The following CBFB variants were observed in gnomAD, a reference collection of about 807,000 sequenced individuals.
CBFB encodes the protein CBF-beta.
A neutral mutation model predicts 30.4 loss-of-function variants in CBFB; 9 were observed. That is an observed-to-expected ratio of 0.30 (90% CI 0.18 to 0.52). The LOEUF (loss-of-function observed/expected upper bound fraction) is 0.52, where lower values mean the gene tolerates loss of function less well. CBFB is among the 20% of genes least tolerant of loss of function. CBFB has a pLI of 0.97. For synonymous variants in CBFB, 94 were observed against 84.0 expected (o/e 1.12, Z -0.65); for missense variants, 170 against 244.0 (o/e 0.70, Z 2.02).
At chr16:67,054,415 C>CT (rs1960653103) in intron 3 of CBFB, among the ~76,000 whole-genome samples, 2 of 152,074 alleles carry the variant, frequency 1.3e-5, no homozygotes, top group African/African-American at 4.8e-5. Context: ...TTTGTAAAAT[C>CT]TTTGTCTCCA....
At chr16:67,087,470 G>A (rs1961764030) in intron 5 of CBFB, among the ~76,000 whole-genome samples, 2 of 151,994 alleles carry the variant, frequency 1.3e-5, no homozygotes, top group South Asian at 2.1e-4. Context: ...TGGGAGGATC[G>A]CTTGAGCCCA....
chr16:67,045,877 C>T (rs1348393694), intron 3 of CBFB, among the ~76,000 whole-genome samples: 1 of 150,606 alleles, frequency 6.6e-6, no homozygotes, highest in Non-Finnish European at 1.5e-5. Flanking sequence ...CTCACTGCAA[C>T]CTCCGCCTCC....
intron 4 of CBFB, among the ~76,000 whole-genome samples, chr16:67,081,838 T>TC (rs796992348): frequency 2.3e-4 from 35 of 151,714 alleles, no homozygotes; most frequent in African/African-American, 7.0e-4. Context: ...TTTTTCTTTT[T>TC]TTTTCTTTTC....
At chr16:67,054,315 C>G (rs1252430131) in intron 3 of CBFB, among the ~76,000 whole-genome samples, 1 of 152,040 alleles carries the variant, frequency 6.6e-6, no homozygotes, top group Non-Finnish European at 1.5e-5. Context: ...GGCCTTGTTT[C>G]ATTGTCTTGG....
At chr16:67,094,794 A>G (rs538557781) in intron 5 of CBFB, among the ~76,000 whole-genome samples, 70 of 152,326 alleles carry the variant, frequency 4.6e-4, no homozygotes, top group Non-Finnish European at 8.5e-4. Flanking sequence ...ATGCATATGT[A>G]TTCCATAGCT....
At position 67,074,642 on chromosome 16, in the gene CBFB, A is replaced by G. The variant is rs374379510; in HGVS notation, c.400-7571A>G. Among the ~76,000 whole-genome samples the G allele has an allele frequency of 3.9e-5, 6 of 152,028 alleles. No individual in the cohort carries two copies. The East Asian group carries it at 5.8e-4, about 15-fold the overall frequency. ...ATGATCCACCCGCTTCGGCCTCCCA[A>G]AGTGCTGGGATTACAGGCATGAGCC... On this transcript the variant is annotated intron_variant, in intron 4 of 5. Coordinates refer to ENST00000412916, the MANE Select transcript of CBFB (RefSeq NM_022845.3).
chr16:67,033,012 T>C (rs1009436843), intron 2 of CBFB, among the ~76,000 whole-genome samples: 1 of 152,132 alleles, frequency 6.6e-6, no homozygotes, highest in African/African-American at 2.4e-5. Flanking sequence ...GTAGCTGGAA[T>C]TACAGGCGTA....
chr16:67,031,179 G>T (rs8048014), intron 2 of CBFB, among the ~76,000 whole-genome samples: 6,677 of 152,266 alleles, frequency 0.044, 486 homozygotes, highest in African/African-American at 0.15. Context: ...TTTTAGAGTT[G>T]TAATAGTGAG....
intron 2 of CBFB, among the ~76,000 whole-genome samples, chr16:67,031,793 G>A (rs1381964371): frequency 6.6e-6 from 1 of 151,818 alleles, no homozygotes; most frequent in Non-Finnish European, 1.5e-5. Flanking sequence ...GATTACAGGT[G>A]TGAGCCACCG....
chr16:67,054,441 C>T (rs1234419799), intron 3 of CBFB, among the ~76,000 whole-genome samples: 1 of 152,160 alleles, frequency 6.6e-6, no homozygotes, highest in Admixed American at 6.5e-5. Flanking sequence ...TGGTATTTAT[C>T]TATGATGTAA....
Position 67,029,491 on chromosome 16 carries a change from G to C in CBFB, c.78+6G>C. On this transcript the variant is annotated splice_donor_region_variant and intron_variant, in intron 1 of 5. Transcript: ENST00000412916. Reference sequence around the variant, plus strand: ...AGCTGAGCCGCGAGTGTGAGGTGAGGCAGGCGGGCGGGCGGCTAGGAGGCC... The same window carrying C: ...AGCTGAGCCGCGAGTGTGAGGTGAGCCAGGCGGGCGGGCGGCTAGGAGGCC... 6.3e-7 allele frequency: 1 copy of C among 1,584,196 alleles called. No homozygotes were observed. The highest frequency in any genetic ancestry group is 2.4e-5 in the East Asian group (1 of 41,866).
At chr16:67,075,197 A>ATATGTGTGTGTGTGTG (rs369475383) in intron 4 of CBFB, among the ~76,000 whole-genome samples, 87 of 142,762 alleles carry the variant, frequency 6.1e-4, no homozygotes, top group Non-Finnish European at 9.4e-4. Flanking sequence ...CTCAAAAAAA[A>ATATGTGTGTGTGTGTG]TGTGTGTGTG....
intron 5 of CBFB, among the ~76,000 whole-genome samples, chr16:67,091,040 T>G (rs188152669): frequency 1.0e-3 from 155 of 152,314 alleles, no homozygotes; most frequent in Non-Finnish European, 1.9e-3. Context: ...TGAGAATATG[T>G]CTGTGCTAGG....
intron 3 of CBFB, among the ~76,000 whole-genome samples, chr16:67,053,438 G>A (rs997394081): frequency 2.6e-5 from 4 of 151,684 alleles, no homozygotes; most frequent in Admixed American, 1.3e-4. Flanking sequence ...TGTATTTTTA[G>A]TAGAGATGGG....
At chr16:67,072,083 C>T (rs1961238366) in intron 4 of CBFB, among the ~76,000 whole-genome samples, 1 of 152,102 alleles carries the variant, frequency 6.6e-6, no homozygotes, top group Non-Finnish European at 1.5e-5. Context: ...TTATATCATT[C>T]ATAATGTAAT....
chr16:67,036,238 A>G (rs1966438379), intron 2 of CBFB, among the ~76,000 whole-genome samples: 1 of 152,216 alleles, frequency 6.6e-6, no homozygotes, highest in East Asian at 1.9e-4. Flanking sequence ...TCTCATTTAT[A>G]CAATTTTAAA....
chr16:67,100,079 T>TA lies in CBFB; in HGVS notation c.*1302dup, dbSNP rs1047726014. On this transcript the variant is annotated 3_prime_UTR_variant, in exon 6 of 6. Transcript: ENST00000412916. Reference sequence around the variant, plus strand: ...GTCAAATTGCAACTTTTTTTTTAGATACAGAGTGGAAAACAGTGCTAAGTC... The same window carrying TA: ...GTCAAATTGCAACTTTTTTTTTAGATAACAGAGTGGAAAACAGTGCTAAGTC... The TA allele has an allele frequency of 4.7e-6, 1 of 212,602 alleles. No individual in the cohort carries two copies. The highest frequency in any genetic ancestry group is 2.3e-5 in the African/African-American group (1 of 44,188). The allele number at this position is 212,602 out of a possible 1,614,324, so 13.2% of individuals were successfully genotyped here. A position where few individuals can be genotyped will look rare whatever the true frequency, so the allele number is the denominator to read the frequency against.
rs1703185832 is a variant in CBFB, at chr16:67,100,754, A to C, written c.*1976A>C. The C allele has an allele frequency of 4.6e-6, 1 of 217,808 alleles. No homozygotes were observed. The highest frequency in any genetic ancestry group is 2.2e-5 in the African/African-American group (1 of 44,486). The allele number at this position is 217,808 out of a possible 1,614,324, so 13.5% of individuals were successfully genotyped here. A position where few individuals can be genotyped will look rare whatever the true frequency, so the allele number is the denominator to read the frequency against. On this transcript the variant is annotated 3_prime_UTR_variant, in exon 6 of 6. Coordinates refer to ENST00000412916, the MANE Select transcript of CBFB (RefSeq NM_022845.3). ...ATGTTCCTGTTACCATCCTAATGTA[A>C]ATACTGGATTTTTCTGTCATTTAGC...
At chr16:67,088,950 T>G (rs996484766) in intron 5 of CBFB, among the ~76,000 whole-genome samples, 2 of 152,226 alleles carry the variant, frequency 1.3e-5, no homozygotes, top group Admixed American at 6.5e-5. Context: ...CAACAGTGTC[T>G]TTTAACCTGA....
Sources: gnomAD v4.1 joint callset for allele counts (sites outside exome capture counted in the v4.1 genomes callset) on GRCh38, gnomAD v4.1.1 for gene constraint, MANE v1.5 for transcripts, NCBI Gene and HGNC (gene_info 2026-07-23, HGNC 2026-07-21) for gene names.